ITGA1: variants seen among roughly 807,000 people sequenced by gnomAD.
The protein encoded by ITGA1 is integrin alpha-1.
A neutral mutation model predicts 145.9 loss-of-function variants in ITGA1; 85 were observed. That is an observed-to-expected ratio of 0.58 (90% CI 0.49 to 0.70). The LOEUF (loss-of-function observed/expected upper bound fraction) is 0.70, where lower values mean the gene tolerates loss of function less well. ITGA1 is among the 30% of genes least tolerant of loss of function. The pLI, the probability that ITGA1 is intolerant of heterozygous loss-of-function variation, is 0.00. For missense variants in ITGA1, 1,351 were observed against 1,418.7 expected, an observed-to-expected ratio of 0.95 and a Z score of 0.77; for synonymous variants, 520 against 495.3, an observed-to-expected ratio of 1.05 and a Z score of -0.66.
intron 6 of ITGA1, among the ~76,000 whole-genome samples, chr5:52,871,127 G>A (rs946795776): frequency 6.6e-6 from 1 of 152,194 alleles, no homozygotes; most frequent in Admixed American, 6.5e-5. Context: ...GCCCTTAGTA[G>A]AAGTAGGAGA....
At chr5:52,876,101 A>G (rs1053461787) in intron 6 of ITGA1, among the ~76,000 whole-genome samples, 1 of 151,940 alleles carries the variant, frequency 6.6e-6, no homozygotes, top group Non-Finnish European at 1.5e-5. Flanking sequence ...TATGCTTGTG[A>G]TTTTCTCTCC....
In ITGA1 at chr5:52,910,398, T is replaced by G. The variant is rs757856106; in HGVS notation, c.1836T>G (p.Thr612=). Residue 612 remains threonine (T), a synonymous_variant, in exon 14 of 29, where the codon ACT becomes ACG. Coordinates refer to ENST00000282588, the MANE Select transcript of ITGA1 (RefSeq NM_181501.2). ...AVYIYHGSGK[T]IRKEYAQRIP... The stretch of plus-strand genomic sequence containing the variant: ...ACATTTATCATGGAAGTGGCAAGAC[T>G]ATAAGGAAAGAGTATGCACAAGTAA... 2.5e-6 allele frequency: 4 copies of G among 1,613,544 alleles called. No individual in the cohort carries two copies. Among genetic ancestry groups the G allele is most frequent in the Non-Finnish European group, 3.4e-6 (4 of 1,179,634 alleles).
intron 14 of ITGA1, among the ~76,000 whole-genome samples, chr5:52,911,625 A>G (rs1453691064): frequency 4.5e-5 from 4 of 89,274 alleles, no homozygotes; most frequent in African/African-American, 1.7e-4. Flanking sequence ...TGTATCTACT[A>G]TATATACTAT....
chr5:52,910,168 T>C lies in ITGA1; in HGVS notation c.1606T>C (p.Phe536Leu). 6.2e-7 allele frequency: 1 copy of C among 1,602,678 alleles called. No individual in the cohort carries two copies. The highest frequency in any genetic ancestry group is 1.3e-5 in the African/African-American group (1 of 74,756). Residue 536 changes from phenylalanine to leucine, a missense_variant, in exon 14 of 29, where the codon TTT becomes CTT. Physicochemically the swap from Phe to Leu is conservative, Grantham distance 22. Coordinates refer to ENST00000282588, the MANE Select transcript of ITGA1 (RefSeq NM_181501.2). ...CTGTTTATCTTTCTTCCAGACAAGG[T>C]TTGAATATCAAATGAGCCTGGAACC... ...VYVYALNQTR[F>L]EYQMSLEPIK... is the part of the protein sequence containing the mutation.
chr5:52,898,986 A>G (rs1750274056), intron 11 of ITGA1, among the ~76,000 whole-genome samples: 1 of 152,152 alleles, frequency 6.6e-6, no homozygotes, highest in African/African-American at 2.4e-5. Flanking sequence ...ATCTATACCA[A>G]GCTGAGCAAC....
chr5:52,911,175 A>G (rs1750516630), intron 14 of ITGA1, among the ~76,000 whole-genome samples: 1 of 136,648 alleles, frequency 7.3e-6, no homozygotes, highest in African/African-American at 2.6e-5. Context: ...TAGAGTACAT[A>G]TTGTATATAT....
rs375710949 is a variant in ITGA1 at position 52,933,960 on chromosome 5, T to G, written c.2928T>G (p.Thr976=). 116 of 1,513,768 alleles carry G rather than the reference T, an allele frequency of 7.7e-5. No individual in the cohort carries two copies. The highest frequency in any genetic ancestry group is 1.0e-4 in the Non-Finnish European group (116 of 1,120,388). The allele number at this position is 1,513,768 out of a possible 1,614,324, so 93.8% of individuals were successfully genotyped here. A position where few individuals can be genotyped will look rare whatever the true frequency, so the allele number is the denominator to read the frequency against. The change falls in exon 23 of 29, where the codon ACT becomes ACG. Residue 976 remains threonine, a synonymous_variant. Coordinates refer to ENST00000282588, the MANE Select transcript of ITGA1 (RefSeq NM_181501.2). ...CAGTCCCTGAAGTTATTAATTCTAC[T>G]GAGGACATTGGAAATGAAATTAATA... ...NETVPEVINS[T]EDIGNEINIF...
chr5:52,800,552 CG>C (rs1395597284), intron 1 of ITGA1: 1 of 1,613,760 alleles, frequency 6.2e-7, no homozygotes, highest in Admixed American at 1.7e-5. Context: ...GAGTCCTCCA[CG>C]GGCAGCGTGG....
chr5:52,891,037 G>T (rs967630082), intron 8 of ITGA1, among the ~76,000 whole-genome samples: 1 of 152,052 alleles, frequency 6.6e-6, no homozygotes, highest in Non-Finnish European at 1.5e-5. Flanking sequence ...TTCCATCCAT[G>T]TTGCTGGAAA....
intron 7 of ITGA1, among the ~76,000 whole-genome samples, chr5:52,885,654 C>A (rs1373279137): frequency 6.6e-6 from 1 of 152,136 alleles, no homozygotes; most frequent in African/African-American, 2.4e-5. Flanking sequence ...CAGTCAGAAC[C>A]ATAAGAAGTT....
chr5:52,792,643 C>T (rs1047865390), intron 1 of ITGA1, among the ~76,000 whole-genome samples: 1 of 152,106 alleles, frequency 6.6e-6, no homozygotes, highest in Non-Finnish European at 1.5e-5. Context: ...AGATTTAGAA[C>T]TTGCTGAATT....
chr5:52,795,366 A>C (rs982095823), intron 1 of ITGA1, among the ~76,000 whole-genome samples: 7 of 151,950 alleles, frequency 4.6e-5, no homozygotes, highest in Admixed American at 2.0e-4. Flanking sequence ...TTCCAAAATA[A>C]AATACAAGAT....
intron 26 of ITGA1, among the ~76,000 whole-genome samples, chr5:52,944,156 T>A (rs944609809): frequency 7.2e-5 from 11 of 152,148 alleles, no homozygotes; most frequent in African/African-American, 2.4e-4. Context: ...GGCACCTATG[T>A]CTGTGCTCTG....
intron 12 of ITGA1, among the ~76,000 whole-genome samples, chr5:52,906,387 G>A (rs1306925614): frequency 6.6e-6 from 1 of 152,124 alleles, no homozygotes; most frequent in African/African-American, 2.4e-5. Context: ...CAAATTAAGA[G>A]CTTGGATTTT....
intron 14 of ITGA1, among the ~76,000 whole-genome samples, chr5:52,911,556 G>C (rs1403555014): frequency 1.8e-5 from 1 of 56,580 alleles, no homozygotes; most frequent in Non-Finnish European, 4.0e-5. Context: ...ACTATATATA[G>C]TGTATCTACT....
chr5:52,871,605 A>T (rs1431712880), intron 6 of ITGA1, among the ~76,000 whole-genome samples: 4 of 146,430 alleles, frequency 2.7e-5, no homozygotes, highest in African/African-American at 1.0e-4. Flanking sequence ...TTACCTCCAA[A>T]AAACAAAAAT....
chr5:52,927,801 G>T (rs1561252082), intron 20 of ITGA1, 137 bp downstream of exon 20: 2 of 616,078 alleles, frequency 3.2e-6, no homozygotes, highest in Non-Finnish European at 5.7e-6. Flanking sequence ...GTGACAGATT[G>T]GAATATGCTA....
intron 28 of ITGA1, among the ~76,000 whole-genome samples, chr5:52,949,654 CAA>C (rs1751188747): frequency 6.6e-6 from 1 of 152,040 alleles, no homozygotes; most frequent in South Asian, 2.1e-4. Flanking sequence ...GGGTTTTGTT[CAA>C]GAGAGTCATG....
chr5:52,885,773 G>T (rs1371183328), intron 7 of ITGA1, among the ~76,000 whole-genome samples: 2 of 152,114 alleles, frequency 1.3e-5, no homozygotes, highest in Non-Finnish European at 2.9e-5. Flanking sequence ...ACCTTATTTG[G>T]GTATGATCTG....
Sources: gnomAD v4.1 joint callset for allele counts (sites outside exome capture counted in the v4.1 genomes callset) on GRCh38, gnomAD v4.1.1 for gene constraint, MANE v1.5 for transcripts, NCBI Gene and HGNC (gene_info 2026-07-23, HGNC 2026-07-21) for gene names.